Variants in RASGRF2 observed in about 807,000 individuals in gnomAD.
RASGRF2 encodes the protein Ras protein specific guanine nucleotide releasing factor 2, also known as ras-specific guanine nucleotide-releasing factor 2.
A neutral mutation model predicts 151.0 loss-of-function variants in RASGRF2; 76 were observed. The observed-to-expected ratio is 0.50, with a 90% CI of 0.42 to 0.61. The LOEUF (loss-of-function observed/expected upper bound fraction) is 0.61, where lower values mean the gene tolerates loss of function less well. Ranked by LOEUF, RASGRF2 falls within the 20% of genes least tolerant of loss-of-function variation. The pLI is 0.00. For missense variants in RASGRF2, 1,148 were observed against 1,564.6 expected, an observed-to-expected ratio of 0.73 and a Z score of 4.49; for synonymous variants, 504 against 566.5, an observed-to-expected ratio of 0.89 and a Z score of 1.57.
At chr5:81,157,990 A>T (rs987425090) in intron 17 of RASGRF2, among the ~76,000 whole-genome samples, 24 of 152,332 alleles carry the variant, frequency 1.6e-4, no homozygotes, top group African/African-American at 5.5e-4. Flanking sequence ...AAATACAAAT[A>T]TTGGAAACCT....
chr5:81,000,587 G>A (rs1178524606), intron 1 of RASGRF2, among the ~76,000 whole-genome samples: 6 of 152,096 alleles, frequency 3.9e-5, no homozygotes, highest in Admixed American at 3.3e-4. Flanking sequence ...TGAGGCTCTC[G>A]TACTAAGTCA....
chr5:81,207,303 C>G lies in RASGRF2; in HGVS notation c.3025C>G (p.Gln1009Glu), dbSNP rs769030673. 1 of 1,614,182 alleles carries G rather than the reference C, an allele frequency of 6.2e-7. No individual in the cohort carries two copies. Among genetic ancestry groups the G allele is most frequent in the Admixed American group, 1.7e-5 (1 of 60,028 alleles). ...ESLSAMELAE[Q>E]ITLLDHVIFR... ...CTTGTCGGCCATGGAGCTGGCAGAA[C>G]AGATCACCCTCCTGGACCATGTCAT... is the stretch of plus-strand genomic sequence containing the variant. Residue 1009 changes from glutamine (Q) to glutamate (E), a missense_variant, in exon 21 of 27, where the codon CAG (glutamine) becomes GAG (glutamate). Gln to Glu is a conservative substitution (Grantham distance 29). Around this residue, in one of 5 missense-constraint regions of RASGRF2, gnomAD observed 646 missense variants for 807.4 expected, o/e 0.80. Coordinates refer to ENST00000265080, the MANE Select transcript of RASGRF2 (RefSeq NM_006909.3).
chr5:81,094,495 T>C (rs1364051177), intron 11 of RASGRF2, 133 bp downstream of exon 11: 4 of 842,714 alleles, frequency 4.7e-6, no homozygotes, highest in Non-Finnish European at 7.2e-6. Context: ...TAAACCATCT[T>C]TGGGAATTCA....
At chr5:81,171,696 G>A (rs1754661903) in intron 17 of RASGRF2, among the ~76,000 whole-genome samples, 1 of 152,022 alleles carries the variant, frequency 6.6e-6, no homozygotes, top group Non-Finnish European at 1.5e-5. Context: ...AATTTTTAGA[G>A]CACTCTATTT....
At position 81,225,372 on chromosome 5, in the gene RASGRF2, A is replaced by G. The variant is rs114054730; in HGVS notation, c.3622-306A>G. 1.3e-3 allele frequency among the ~76,000 whole-genome samples: 198 copies of G among 152,320 alleles called. 2 individuals carry two copies. Among genetic ancestry groups the G allele is most frequent in the African/African-American group, 4.5e-3 (188 of 41,574 alleles). Reference sequence around the variant, plus strand: ...GCACCATGGTGCCAATTTTAGGGGGAAAAATGATTTCTGTAAGTACATGTA... The same window carrying G: ...GCACCATGGTGCCAATTTTAGGGGGGAAAATGATTTCTGTAAGTACATGTA... On this transcript the variant is annotated intron_variant, in intron 26 of 26. Coordinates refer to ENST00000265080, the MANE Select transcript of RASGRF2 (RefSeq NM_006909.3).
At chr5:81,198,030 A>C (rs969154899) in intron 18 of RASGRF2, among the ~76,000 whole-genome samples, 1 of 152,230 alleles carries the variant, frequency 6.6e-6, no homozygotes, top group Non-Finnish European at 1.5e-5. Context: ...ACACTGATAC[A>C]CATCTAGAAT....
At chr5:81,167,550 G>A (rs1165415739) in intron 17 of RASGRF2, among the ~76,000 whole-genome samples, 1 of 152,216 alleles carries the variant, frequency 6.6e-6, no homozygotes, top group African/African-American at 2.4e-5. Flanking sequence ...ACACATCAGT[G>A]TGCACTCAGT....
At chr5:81,209,075 C>T (rs1263795928) in intron 22 of RASGRF2, among the ~76,000 whole-genome samples, 1 of 152,204 alleles carries the variant, frequency 6.6e-6, no homozygotes, top group Non-Finnish European at 1.5e-5. Context: ...ACATGTGTCA[C>T]TGGCCCCTGG....
intron 1 of RASGRF2, among the ~76,000 whole-genome samples, chr5:81,014,924 A>G (rs1373078218): frequency 1.3e-5 from 2 of 152,046 alleles, no homozygotes; most frequent in African/African-American, 2.4e-5. Context: ...TTATTTATTT[A>G]TGTATTTATT....
At chr5:81,187,854 T>A (rs1010718822) in intron 18 of RASGRF2, among the ~76,000 whole-genome samples, 6 of 152,236 alleles carry the variant, frequency 3.9e-5, no homozygotes, top group Non-Finnish European at 8.8e-5. Context: ...CTTCTAAATT[T>A]TTTTGTTGAC....
At chr5:80,991,206 G>A (rs1015992885) in intron 1 of RASGRF2, among the ~76,000 whole-genome samples, 6 of 152,104 alleles carry the variant, frequency 3.9e-5, no homozygotes, top group African/African-American at 1.2e-4. Flanking sequence ...ACTTTGTAAT[G>A]CCAGCAATTT....
In RASGRF2 at chr5:80,961,021, A is replaced by G; in HGVS notation, c.283A>G (p.Lys95Glu). Residue 95 changes from lysine (K) to glutamate (E), a missense_variant, in exon 1 of 27, where the codon AAG becomes GAG. Coordinates refer to ENST00000265080, the MANE Select transcript of RASGRF2 (RefSeq NM_006909.3). ...GGGAGGCGTCCGAGACGCGCTGGACAAGCAGGTACCGCGCGCCTTCTCTCC... is the reference window on the plus strand; with the variant it reads ...GGGAGGCGTCCGAGACGCGCTGGACGAGCAGGTACCGCGCGCCTTCTCTCC... ...GQGGVRDALD[K>E]QYYFTVLFGH... is the part of the protein sequence containing the mutation. 6.8e-7 allele frequency: 1 copy of G among 1,476,284 alleles called. No homozygotes were observed. Among genetic ancestry groups the G allele is most frequent in the South Asian group, 1.4e-5 (1 of 74,014 alleles). The allele number at this position is 1,476,284 out of a possible 1,614,324, so 91.4% of individuals were successfully genotyped here. A position where few individuals can be genotyped will look rare whatever the true frequency, so the allele number is the denominator to read the frequency against.
At chr5:81,009,242 A>G (rs995888315) in intron 1 of RASGRF2, among the ~76,000 whole-genome samples, 30 of 152,224 alleles carry the variant, frequency 2.0e-4, no homozygotes, top group Admixed American at 3.3e-4. Flanking sequence ...TTAAGCACTG[A>G]GTGGATATGT....
At chr5:81,181,153 G>T (rs1754908743) in intron 18 of RASGRF2, among the ~76,000 whole-genome samples, 1 of 152,162 alleles carries the variant, frequency 6.6e-6, no homozygotes, top group Admixed American at 6.5e-5. Flanking sequence ...CACTCCCATG[G>T]GTAGGTATTC....
At chr5:81,195,154 A>G (rs555848256) in intron 18 of RASGRF2, among the ~76,000 whole-genome samples, 6 of 152,304 alleles carry the variant, frequency 3.9e-5, no homozygotes, top group East Asian at 1.9e-4. Flanking sequence ...AAACATGGGC[A>G]GGCGACATCC....
Position 80,982,652 on chromosome 5 carries a change from G to A in RASGRF2, c.288+21626G>A, listed in dbSNP as rs7713388. On this transcript the variant is annotated intron_variant, in intron 1 of 26. Coordinates refer to ENST00000265080, the MANE Select transcript of RASGRF2 (RefSeq NM_006909.3). ...GTCTCGCTCTGTTGCCCAGGCTGGA[G>A]TGCAGTGGCACAATCTTGGCTCACT... Among the ~76,000 whole-genome samples the A allele has an allele frequency of 5.3e-3, 794 of 149,202 alleles. 8 individuals are homozygous for A. Among genetic ancestry groups the A allele is most frequent in the African/African-American group, 0.019 (766 of 40,570 alleles).
intron 11 of RASGRF2, 104 bp from the exon 12 acceptor site, chr5:81,094,752 G>T (rs543812200): frequency 1.6e-6 from 2 of 1,282,070 alleles, no homozygotes; most frequent in Non-Finnish European, 2.2e-6. Context: ...TGAGAGTCCC[G>T]ATTTGAGTGC....
At chr5:81,048,461 T>C (rs965987289) in intron 2 of RASGRF2, among the ~76,000 whole-genome samples, 36 of 152,202 alleles carry the variant, frequency 2.4e-4, no homozygotes, top group African/African-American at 7.7e-4. Flanking sequence ...GTTACAATTG[T>C]TTTCTATAGG....
intron 26 of RASGRF2, among the ~76,000 whole-genome samples, chr5:81,224,527 C>A (rs1213581564): frequency 6.6e-6 from 1 of 152,234 alleles, no homozygotes; most frequent in African/African-American, 2.4e-5. Context: ...CTAGCAATTT[C>A]TCTCTTAGGT....
Sources: allele counts gnomAD v4.1 joint callset (sites outside exome capture counted in the v4.1 genomes callset), GRCh38; gene constraint gnomAD v4.1.1; regional missense constraint gnomAD v4.1.1; transcripts MANE v1.5; gene names NCBI Gene and HGNC (gene_info 2026-07-23, HGNC 2026-07-21).